Variants in BCAS2 observed in about 807,000 individuals in gnomAD.
The protein encoded by BCAS2 is pre-mRNA-splicing factor SPF27.
In BCAS2, 34 loss-of-function variants were observed where a neutral mutation model predicts 35.3. The ratio of observed to expected loss-of-function variants is 0.96; its 90% CI spans 0.73 to 1.28. The LOEUF (loss-of-function observed/expected upper bound fraction) is 1.28. Among genes scored for constraint, BCAS2 ranks in the 50% most tolerant of loss-of-function variants. BCAS2 has a pLI of 0.00. For missense variants in BCAS2, 221 were observed against 268.1 expected (o/e 0.82, Z 1.23); for synonymous variants, 75 against 91.6 (o/e 0.82, Z 1.03).
rs1035918982 is a variant in BCAS2 at position 114,579,832 on chromosome 1, C to T, written c.186+1467G>A. 3.9e-5 allele frequency among the ~76,000 whole-genome samples: 6 copies of T among 152,214 alleles called. 1 individual carries two copies. Among genetic ancestry groups the T allele is most frequent in the Admixed American group, 1.3e-4 (2 of 15,288 alleles). ...AGTGAGCAGAGATGGCACCACTGCA[C>T]TCCAGCCTGGGTGACGTAATGAGAC... is the stretch of plus-strand genomic sequence containing the variant. On this transcript the variant is annotated intron_variant, in intron 2 of 6. Coordinates refer to ENST00000369541, the MANE Select transcript of BCAS2 (RefSeq NM_005872.3).
At chr1:114,571,063 CT>C (rs1019838246) in intron 4 of BCAS2, among the ~76,000 whole-genome samples, 108 of 145,208 alleles carry the variant, frequency 7.4e-4, no homozygotes, top group Middle Eastern at 3.5e-3. Context: ...ACTTAGGTTA[CT>C]TTTTTTTTTT....
At position 114,568,182 on chromosome 1, in the gene BCAS2, AT is replaced by A; in HGVS notation, c.625del (p.Ile209LeufsTer22). On this transcript the variant is annotated frameshift_variant, in exon 7 of 7. Coordinates refer to ENST00000369541, the MANE Select transcript of BCAS2 (RefSeq NM_005872.3). LOFTEE classifies it high-confidence loss of function. ...IVQLENEIYQ[I>X]KQQHGEANKE... ...GTTTGCCTCTCCATGTTGCTGCTTA[AT>A]TTGATAGATTTCATTTTCTAGCTGA... The A allele has an allele frequency of 6.2e-7, 1 of 1,613,816 alleles. No homozygotes were observed. Among genetic ancestry groups the A allele is most frequent in the Non-Finnish European group, 8.5e-7 (1 of 1,179,964 alleles).
At chr1:114,580,660 A>C (rs529724419) in intron 2 of BCAS2, among the ~76,000 whole-genome samples, 1 of 152,326 alleles carries the variant, frequency 6.6e-6, no homozygotes, top group South Asian at 2.1e-4. Flanking sequence ...AAAGAAAAGA[A>C]AAATTAAAAG....
chr1:114,577,846 A>G (rs1654802964), intron 2 of BCAS2, among the ~76,000 whole-genome samples: 2 of 152,244 alleles, frequency 1.3e-5, no homozygotes, highest in Non-Finnish European at 2.9e-5. Context: ...CTATCTTAAC[A>G]ATTAGACTAA....
rs79531554 is a variant in BCAS2, at chr1:114,577,064, T to C, written c.187-306A>G. ...GTTCGACAGTGCTATGGTTTGAATG[T>C]TTGTCCCCTCTGAAATTCATACAGA... On this transcript the variant is annotated intron_variant, in intron 2 of 6. Transcript: ENST00000369541. Among the ~76,000 whole-genome samples, 278 of 152,350 alleles carry C rather than the reference T, an allele frequency of 1.8e-3. 2 individuals carry two copies. The highest frequency in any genetic ancestry group is 6.3e-3 in the African/African-American group (263 of 41,588).
At chr1:114,576,266 GT>G (rs931659826) in intron 3 of BCAS2, among the ~76,000 whole-genome samples, 5 of 125,346 alleles carry the variant, frequency 4.0e-5, no homozygotes, top group African/African-American at 8.9e-5. Flanking sequence ...TATATATATA[GT>G]TTTTTTTTCA....
In BCAS2 at chr1:114,581,612, C is replaced by T. The variant is rs751197357; in HGVS notation, c.-21G>A. ...GCCATTCTGAGGACCTCAGGTTTGC[C>T]TGCGTTTTCTGCGTCTGCGTAAACT... is the stretch of plus-strand genomic sequence containing the variant. On this transcript the variant is annotated 5_prime_UTR_variant, in exon 1 of 7. Coordinates refer to ENST00000369541, the MANE Select transcript of BCAS2 (RefSeq NM_005872.3). 1.2e-6 allele frequency: 2 copies of T among 1,611,056 alleles called. No individual in the cohort carries two copies. The highest frequency in any genetic ancestry group is 1.7e-5 in the Admixed American group (1 of 59,948).
chr1:114,569,865 G>T, intron 6 of BCAS2, 127 bp downstream of exon 6: 1 of 718,036 alleles, frequency 1.4e-6, no homozygotes, highest in Non-Finnish European at 2.4e-6. Flanking sequence ...GGGGAAGGGT[G>T]AATTCAGAAA....
At position 114,568,819 on chromosome 1, in the gene BCAS2, C is replaced by T. The variant is rs1345914828; in HGVS notation, c.552-563G>A. 3.7e-5 allele frequency among the ~76,000 whole-genome samples: 5 copies of T among 133,594 alleles called. No homozygotes were observed. In the East Asian group the frequency reaches 1.1e-3, roughly 30 times the overall value. The allele number at this position is 133,594 out of a possible 152,430, so 87.6% of individuals were successfully genotyped here. On this transcript the variant is annotated intron_variant, in intron 6 of 6. Coordinates refer to ENST00000369541, the MANE Select transcript of BCAS2 (RefSeq NM_005872.3). ...TTGCTCTGTTGCCTAGGCTGAAATG[C>T]AGTGGTGTGATCACAGCTCACTAGC...
At chr1:114,569,001 G>A (rs2101625495) in intron 6 of BCAS2, among the ~76,000 whole-genome samples, 1 of 152,056 alleles carries the variant, frequency 6.6e-6, no homozygotes, top group Admixed American at 6.6e-5. Flanking sequence ...CTGGCTTCAA[G>A]CAATCCTCCT....
chr1:114,573,196 C>A (rs1654685209), intron 4 of BCAS2, among the ~76,000 whole-genome samples: 1 of 140,924 alleles, frequency 7.1e-6, no homozygotes, highest in Non-Finnish European at 1.5e-5. Context: ...TAAAGGTTTT[C>A]AGGTAAGTTG....
chr1:114,569,653 C>T (rs1277100491), intron 6 of BCAS2, among the ~76,000 whole-genome samples: 1 of 151,464 alleles, frequency 6.6e-6, no homozygotes, highest in African/African-American at 2.4e-5. Flanking sequence ...CAGACATGTG[C>T]CACCGTGCCT....
In BCAS2 at chr1:114,567,961, C is replaced by T; in HGVS notation, c.*169G>A. On this transcript the variant is annotated 3_prime_UTR_variant, in exon 7 of 7. Coordinates refer to ENST00000369541, the MANE Select transcript of BCAS2 (RefSeq NM_005872.3). ...TACCACCAAGCTAGACATTTTAATT[C>T]TGTTGAGATATACAAATAGAATTAC... 1.2e-6 allele frequency: 1 copy of T among 844,842 alleles called. No individual in the cohort carries two copies. Among genetic ancestry groups the T allele is most frequent in the Non-Finnish European group, 1.8e-6 (1 of 561,112 alleles). The allele number at this position is 844,842 out of a possible 1,614,324, so 52.3% of individuals were successfully genotyped here.
intron 2 of BCAS2, among the ~76,000 whole-genome samples, chr1:114,579,210 A>C (rs1654832396): frequency 6.6e-6 from 1 of 152,208 alleles, no homozygotes; most frequent in Admixed American, 6.5e-5. Flanking sequence ...CAGGAGGCAG[A>C]GGTTGCAGTG....
chr1:114,568,368 C>CA, intron 6 of BCAS2, 112 bp from the exon 7 acceptor site: 2 of 876,338 alleles, frequency 2.3e-6, no homozygotes, highest in Non-Finnish European at 3.1e-6. Flanking sequence ...CTAACCTTCA[C>CA]TTTTTTTTTT....
intron 2 of BCAS2, among the ~76,000 whole-genome samples, chr1:114,580,191 T>A (rs191444796): frequency 2.3e-4 from 35 of 152,304 alleles, no homozygotes; most frequent in Non-Finnish European, 4.3e-4. Flanking sequence ...CCTAAAGTGC[T>A]GGGATTACAG....
rs200222205 is a variant in BCAS2, at chr1:114,581,515, G to C, written c.77C>G (p.Pro26Arg). 1.2e-6 allele frequency: 2 copies of C among 1,614,166 alleles called. No individual in the cohort carries two copies. Among genetic ancestry groups the C allele is most frequent in the East Asian group, 2.2e-5 (1 of 44,882 alleles). ...LPYFDQGYEA[P>R]GVREAAAALV... Reference sequence around the variant, plus strand: ...CGCACTCACCGCTTCCCGCACACCAGGGGCTTCATAACCTTGATCAAAATA... The same window carrying C: ...CGCACTCACCGCTTCCCGCACACCACGGGCTTCATAACCTTGATCAAAATA... The change falls in exon 1 of 7, where the codon CCT becomes CGT. Residue 26 changes from proline to arginine, a missense_variant. Transcript: ENST00000369541.
chr1:114,581,503 T>C lies in BCAS2; in HGVS notation c.89A>G (p.Glu30Gly), dbSNP rs1389442183. The change falls in exon 1 of 7, where the codon GAA (glutamate) becomes GGA (glycine). Residue 30 changes from glutamate (E) to glycine (G), a missense_variant. Glu to Gly is a moderately conservative substitution (Grantham distance 98). Coordinates refer to ENST00000369541, the MANE Select transcript of BCAS2 (RefSeq NM_005872.3). Reference sequence around the variant, plus strand: ...ACAAAGACACCCCGCACTCACCGCTTCCCGCACACCAGGGGCTTCATAACC... The same window carrying C: ...ACAAAGACACCCCGCACTCACCGCTCCCCGCACACCAGGGGCTTCATAACC... ...DQGYEAPGVR[E>G]AAAALVEEET... The C allele has an allele frequency of 6.2e-7, 1 of 1,613,992 alleles. No homozygotes were observed. The highest frequency in any genetic ancestry group is 1.1e-5 in the South Asian group (1 of 91,078).
At chr1:114,568,471 A>T (rs922349446) in intron 6 of BCAS2, among the ~76,000 whole-genome samples, 1 of 150,584 alleles carries the variant, frequency 6.6e-6, no homozygotes, top group Admixed American at 6.7e-5. Context: ...GGTTCAAGGG[A>T]TTCTCCTGAC....
Sources: gnomAD v4.1 joint callset for allele counts (sites outside exome capture counted in the v4.1 genomes callset) on GRCh38, gnomAD v4.1.1 for gene constraint, MANE v1.5 for transcripts, NCBI Gene and HGNC (gene_info 2026-07-23, HGNC 2026-07-21) for gene names.